The following MIPEP variants were observed in gnomAD, a reference collection of about 807,000 sequenced individuals.
The protein encoded by MIPEP is mitochondrial intermediate peptidase.
Under a neutral mutation model 90.3 loss-of-function variants are expected in MIPEP, and 79 were observed. The observed-to-expected ratio is 0.87, with a 90% CI of 0.73 to 1.05. The LOEUF is 1.05. MIPEP is among the 50% of genes least tolerant of loss of function. The pLI is 0.00. For synonymous variants in MIPEP, 334 were observed against 315.8 expected, an observed-to-expected ratio of 1.06 and a Z score of -0.61; for missense variants, 940 against 905.6, an observed-to-expected ratio of 1.04 and a Z score of -0.49.
Position 23,887,689 on chromosome 13 carries a change from A to G in MIPEP, c.190-1183T>C, listed in dbSNP as rs147254854. 7.8e-3 allele frequency among the ~76,000 whole-genome samples: 1,189 copies of G among 152,350 alleles called. 15 individuals carry two copies. Among genetic ancestry groups the G allele is most frequent in the African/African-American group, 0.027 (1,129 of 41,580 alleles). On this transcript the variant is annotated intron_variant, in intron 1 of 18. Coordinates refer to ENST00000382172, the MANE Select transcript of MIPEP (RefSeq NM_005932.4). ...GAAACAAGTGACCGGAGCAGATGCT[A>G]GGCTTTGTTAATTCACTTTGTAGGT...
intron 16 of MIPEP, among the ~76,000 whole-genome samples, chr13:23,773,844 C>T (rs531364257): frequency 1.3e-5 from 2 of 152,236 alleles, no homozygotes; most frequent in South Asian, 4.1e-4. Context: ...CATATTCTCC[C>T]ATTCTGTGGG....
chr13:23,847,864 T>C (rs957969094), intron 10 of MIPEP, among the ~76,000 whole-genome samples: 6 of 152,200 alleles, frequency 3.9e-5, no homozygotes, highest in Admixed American at 1.3e-4. Flanking sequence ...TATCTTATAT[T>C]GTCTTGGTGC....
At chr13:23,731,104 C>T (rs867676406) in intron 18 of MIPEP, among the ~76,000 whole-genome samples, 18 of 152,192 alleles carry the variant, frequency 1.2e-4, no homozygotes, top group African/African-American at 4.3e-4. Flanking sequence ...AATTCATGTC[C>T]TTTCTTCACT....
intron 10 of MIPEP, among the ~76,000 whole-genome samples, chr13:23,854,121 C>T (rs528455570): frequency 3.3e-5 from 5 of 150,072 alleles, no homozygotes; most frequent in East Asian, 2.0e-4. Context: ...TTCAGCAGAT[C>T]GAGATCATCC....
intron 16 of MIPEP, chr13:23,760,719 G>A (rs2138516981): frequency 2.4e-6 from 1 of 422,008 alleles, no homozygotes; most frequent in Admixed American, 2.8e-5. Flanking sequence ...ATTTTGTGAA[G>A]GCAGCCTTAG....
chr13:23,855,548 T>C (rs1265337118), intron 10 of MIPEP, among the ~76,000 whole-genome samples: 1 of 152,214 alleles, frequency 6.6e-6, no homozygotes, highest in Admixed American at 6.5e-5. Flanking sequence ...TAACAAGGAT[T>C]TAGAAATCTT....
chr13:23,818,850 G>A (rs767062377), intron 14 of MIPEP, among the ~76,000 whole-genome samples: 2 of 152,174 alleles, frequency 1.3e-5, no homozygotes, highest in Non-Finnish European at 2.9e-5. Flanking sequence ...TCAATGATGT[G>A]CCTCATTCTA....
Position 23,756,712 on chromosome 13 carries a change from T to C in MIPEP, c.1971-94A>G, listed in dbSNP as rs1221937432. 2.0e-5 allele frequency: 25 copies of C among 1,228,144 alleles called. No homozygotes were observed. The South Asian group carries it at 2.5e-4, about 12-fold the overall frequency. The allele number at this position is 1,228,144 out of a possible 1,614,324, so 76.1% of individuals were successfully genotyped here. On this transcript the variant is annotated intron_variant, in intron 17 of 18. Transcript: ENST00000382172. ...CAAAGAAAGCCACACTGATGCCATA[T>C]TCATAAAAGCTGCCACCATGTGACA...
chr13:23,842,659 T>TGTGGGCAGTG (rs1040511157), intron 10 of MIPEP: 1 of 152,326 alleles, frequency 6.6e-6, no homozygotes, highest in Admixed American at 6.5e-5. Flanking sequence ...GTCCTGGGCC[T>TGTGGGCAGTG]GGTGCAGTGG....
At chr13:23,839,547 C>T in intron 12 of MIPEP, 102 bp downstream of exon 12, 1 of 684,328 alleles carries the variant, frequency 1.5e-6, no homozygotes. Flanking sequence ...TCATTAGTAA[C>T]TTTTAAATGT....
At chr13:23,808,178 A>G (rs2137405347) in intron 15 of MIPEP, among the ~76,000 whole-genome samples, 1 of 151,178 alleles carries the variant, frequency 6.6e-6, no homozygotes, top group African/African-American at 2.4e-5. Context: ...GGCTCACTGC[A>G]AGCTCCGCCT....
At chr13:23,736,810 C>T (rs1952269571) in intron 18 of MIPEP, among the ~76,000 whole-genome samples, 1 of 152,072 alleles carries the variant, frequency 6.6e-6, no homozygotes, top group Admixed American at 6.5e-5. Context: ...AGACACTGTC[C>T]TAAGAGCACT....
At chr13:23,773,381 C>CTATCATGAATAATGATATTCA (rs1439088091) in intron 16 of MIPEP, among the ~76,000 whole-genome samples, 8 of 152,150 alleles carry the variant, frequency 5.3e-5, no homozygotes, top group Non-Finnish European at 1.2e-4. Flanking sequence ...GTGGTTTCCA[C>CTATCATGAATAATGATATTCA]TTTTTGACTA....
At chr13:23,825,631 CACAATGTTATAAT>C (rs983475931) in intron 14 of MIPEP, among the ~76,000 whole-genome samples, 1 of 152,182 alleles carries the variant, frequency 6.6e-6, no homozygotes, top group African/African-American at 2.4e-5. Flanking sequence ...AGAAAATACT[CACAATGTTATAAT>C]ACTGACTTGA....
chr13:23,839,743 A>T lies in MIPEP; in HGVS notation c.1261-17T>A. 2.5e-6 allele frequency: 4 copies of T among 1,593,858 alleles called. No individual in the cohort carries two copies. Among genetic ancestry groups the T allele is most frequent in the Non-Finnish European group, 3.4e-6 (4 of 1,168,426 alleles). On this transcript the variant is annotated splice_polypyrimidine_tract_variant and intron_variant, in intron 11 of 18. Coordinates refer to ENST00000382172, the MANE Select transcript of MIPEP (RefSeq NM_005932.4). ...AACAACAGCCTAGAAAAAAAAATTT[A>T]AATTTGGTGGTAAATGAGGCCATCT...
At chr13:23,833,562 A>G (rs988190452) in intron 14 of MIPEP, among the ~76,000 whole-genome samples, 1 of 152,212 alleles carries the variant, frequency 6.6e-6, no homozygotes, top group African/African-American at 2.4e-5. Context: ...TTCTTACAGA[A>G]TAATTTAGTA....
At chr13:23,847,201 A>G (rs1869582800) in intron 10 of MIPEP, among the ~76,000 whole-genome samples, 1 of 152,214 alleles carries the variant, frequency 6.6e-6, no homozygotes, top group Non-Finnish European at 1.5e-5. Context: ...TCATTCTTAC[A>G]CACATTTCCC....
At chr13:23,761,489 G>A (rs979315074) in intron 16 of MIPEP, among the ~76,000 whole-genome samples, 1 of 152,144 alleles carries the variant, frequency 6.6e-6, no homozygotes, top group Non-Finnish European at 1.5e-5. Context: ...TCTATCTCAG[G>A]ACAATGTAGT....
At chr13:23,755,319 T>C (rs1952480681) in intron 18 of MIPEP, among the ~76,000 whole-genome samples, 1 of 152,166 alleles carries the variant, frequency 6.6e-6, no homozygotes. Flanking sequence ...TTCACAAATA[T>C]TTGCTGAATA....
Sources: gnomAD v4.1 joint callset for allele counts (sites outside exome capture counted in the v4.1 genomes callset) on GRCh38, gnomAD v4.1.1 for gene constraint, MANE v1.5 for transcripts, NCBI Gene and HGNC (gene_info 2026-07-23, HGNC 2026-07-21) for gene names.